The following SLF1 variants were observed in gnomAD, a reference collection of about 807,000 sequenced individuals.
SLF1 encodes SMC5/6 complex localization factor 1.
A neutral mutation model predicts 123.0 loss-of-function variants in SLF1; 105 were observed. The observed-to-expected ratio is 0.85, with a 90% confidence interval of 0.73 to 1.00. The LOEUF (loss-of-function observed/expected upper bound fraction) is 1.00, where lower values mean the gene tolerates loss of function less well. Among genes scored for constraint, SLF1 ranks in the 50% least tolerant of loss-of-function variants. SLF1 has a pLI of 0.00. For synonymous variants in SLF1, 434 were observed against 406.6 expected (o/e 1.07, Z -0.81); for missense variants, 1,239 against 1,223.0 (o/e 1.01, Z -0.20).
Position 94,628,852 on chromosome 5 carries a change from A to T in SLF1, c.42A>T (p.Gly14=). The change falls in exon 2 of 21, where the codon GGA becomes GGT. Residue 14 remains glycine, a synonymous_variant. Transcript: ENST00000265140. ...CAAAGCATATCATCCAGATGACAGG[A>T]TTTAAGATGGAAGAAAAAGAAGCGC... The part of the protein sequence containing the change: ...GTPKHIIQMT[G]FKMEEKEALV... 6.4e-7 allele frequency: 1 copy of T among 1,550,492 alleles called. No homozygotes were observed.
chr5:94,641,532 G>C (rs1746447742), intron 4 of SLF1, among the ~76,000 whole-genome samples: 1 of 152,188 alleles, frequency 6.6e-6, no homozygotes, highest in Non-Finnish European at 1.5e-5. Context: ...CATCACTTCA[G>C]CTTACAGCAG....
chr5:94,667,749 G>A (rs113779928), intron 12 of SLF1, among the ~76,000 whole-genome samples: 30 of 151,980 alleles, frequency 2.0e-4, no homozygotes, highest in African/African-American at 6.3e-4. Context: ...TTGTTTGTTT[G>A]TTTGTTTTGT....
rs1210033619 is a variant in SLF1, at chr5:94,662,289, C to G, written c.1156-9C>G. ...ATGTTGTTTTAATTATATGGTTGCTCTTTTGTAGGCTGTCAGATACAACTG... is the reference window on the plus strand; with the variant it reads ...ATGTTGTTTTAATTATATGGTTGCTGTTTTGTAGGCTGTCAGATACAACTG... On this transcript the variant is annotated splice_polypyrimidine_tract_variant and intron_variant, in intron 9 of 20. Coordinates refer to ENST00000265140, the MANE Select transcript of SLF1 (RefSeq NM_032290.4). 6.5e-7 allele frequency: 1 copy of G among 1,542,484 alleles called. No individual in the cohort carries two copies. Among genetic ancestry groups the G allele is most frequent in the Non-Finnish European group, 8.8e-7 (1 of 1,142,254 alleles).
chr5:94,637,808 T>C (rs1745985892), intron 4 of SLF1, among the ~76,000 whole-genome samples: 1 of 152,162 alleles, frequency 6.6e-6, no homozygotes, highest in African/African-American at 2.4e-5. Flanking sequence ...GCCCCCACTC[T>C]GCCGAAATGC....
intron 1 of SLF1, among the ~76,000 whole-genome samples, chr5:94,624,091 A>G (rs1356128101): frequency 1.3e-5 from 2 of 152,150 alleles, no homozygotes; most frequent in Non-Finnish European, 2.9e-5. Flanking sequence ...TGATTCTGTT[A>G]AAGTTTAGCT....
At chr5:94,691,727 T>G (rs539377470) in intron 19 of SLF1, 71 bp downstream of exon 19, 328 of 1,143,022 alleles carry the variant, frequency 2.9e-4, no homozygotes, top group Non-Finnish European at 3.5e-4. Context: ...TTATATCACA[T>G]TAAGAAAAAT....
At chr5:94,682,399 C>T (rs989030605) in intron 15 of SLF1, among the ~76,000 whole-genome samples, 1 of 152,044 alleles carries the variant, frequency 6.6e-6, no homozygotes, top group Non-Finnish European at 1.5e-5. Flanking sequence ...TATTCTTCTA[C>T]TCAGTTACTA....
intron 5 of SLF1, among the ~76,000 whole-genome samples, chr5:94,647,525 G>C (rs1204447880): frequency 6.6e-6 from 1 of 151,118 alleles, no homozygotes; most frequent in Non-Finnish European, 1.5e-5. Flanking sequence ...TAATAGAATA[G>C]GTAGCTGATT....
Position 94,663,900 on chromosome 5 carries a change from G to A in SLF1, c.1360G>A (p.Val454Ile), listed in dbSNP as rs529161729. 39 of 1,526,524 alleles carry A rather than the reference G, an allele frequency of 2.6e-5. No individual in the cohort carries two copies. Among genetic ancestry groups the A allele is most frequent in the African/African-American group, 2.5e-4 (18 of 71,722 alleles). The allele number at this position is 1,526,524 out of a possible 1,614,324, so 94.6% of individuals were successfully genotyped here. A position where few individuals can be genotyped will look rare whatever the true frequency, so the allele number is the denominator to read the frequency against. Residue 454 changes from valine to isoleucine, a missense_variant, in exon 11 of 21, where the codon GTT becomes ATT. Val to Ile is a conservative substitution (Grantham distance 29). Coordinates refer to ENST00000265140, the MANE Select transcript of SLF1 (RefSeq NM_032290.4). ...CGTTCTTCATGCCCTTCTAGAGAAC[G>A]TTCTACAGGTAAGAGCAGCCTTAAG... ...VCVLHALLEN[V>I]LQDNIDTFSG... is the part of the protein sequence containing the mutation.
In SLF1 at chr5:94,644,531, C is replaced by T. The variant is rs142272282; in HGVS notation, c.594+1096C>T. On this transcript the variant is annotated intron_variant, in intron 5 of 20. Transcript: ENST00000265140. ...ATGCTCACTATGCTATATGAAAACTCCTTCTCCCAGTGTCTTAAATAAGCT... is the reference window on the plus strand; with the variant it reads ...ATGCTCACTATGCTATATGAAAACTTCTTCTCCCAGTGTCTTAAATAAGCT... Among the ~76,000 whole-genome samples the T allele has an allele frequency of 3.0e-3, 454 of 152,258 alleles. 4 individuals are homozygous for T. Among genetic ancestry groups the T allele is most frequent in the African/African-American group, 0.01 (429 of 41,562 alleles).
Position 94,651,796 on chromosome 5 carries a change from A to T in SLF1, c.833A>T (p.Lys278Ile), listed in dbSNP as rs1258626723. 2 of 1,509,758 alleles carry T rather than the reference A, an allele frequency of 1.3e-6. No homozygotes were observed. Among genetic ancestry groups the T allele is most frequent in the South Asian group, 2.6e-5 (2 of 77,604 alleles). 93.5% of individuals were successfully genotyped at this position (1,509,758 alleles called of 1,614,324 possible). ...EKFSGSSKDLKFVKMRNTFGS... is the reference protein window; with the variant it reads ...EKFSGSSKDLIFVKMRNTFGS... ...TTCAGTGGTTCCAGTAAAGATTTGA[A>T]ATTTGTTAAAATGAGAAATACCTTT... The change falls in exon 7 of 21, where the codon AAA becomes ATA. Residue 278 changes from lysine to isoleucine, a missense_variant. Coordinates refer to ENST00000265140, the MANE Select transcript of SLF1 (RefSeq NM_032290.4).
chr5:94,688,461 C>T, intron 16 of SLF1, 45 bp from the exon 17 acceptor site: 1 of 1,561,926 alleles, frequency 6.4e-7, no homozygotes, highest in Non-Finnish European at 8.8e-7. Flanking sequence ...CTCTTTACTG[C>T]TGTTTTTGTA....
At chr5:94,665,735 A>T in intron 11 of SLF1, 126 bp from the exon 12 acceptor site, 1 of 843,614 alleles carries the variant, frequency 1.2e-6, no homozygotes, top group Non-Finnish European at 1.8e-6. Flanking sequence ...CCTGGGTGAC[A>T]GAGCCAGACT....
intron 14 of SLF1, 22 bp downstream of exon 14, chr5:94,671,030 A>T: frequency 6.9e-7 from 1 of 1,453,074 alleles, no homozygotes; most frequent in South Asian, 1.3e-5. Flanking sequence ...TAATTTATAG[A>T]TGAATAGTCT....
At chr5:94,688,230 G>T (rs1326745505) in intron 16 of SLF1, among the ~76,000 whole-genome samples, 1 of 151,976 alleles carries the variant, frequency 6.6e-6, no homozygotes, top group Non-Finnish European at 1.5e-5. Flanking sequence ...TTGGGCATAA[G>T]ACTAATCAAA....
intron 1 of SLF1, among the ~76,000 whole-genome samples, chr5:94,627,585 C>CAT (rs58847356): frequency 0.058 from 4,965 of 86,344 alleles, 227 homozygotes; most frequent in Admixed American, 0.089. Flanking sequence ...ATGAAATTAA[C>CAT]ATATATATAT....
intron 6 of SLF1, 62 bp from the exon 7 acceptor site, chr5:94,651,640 T>A: frequency 7.5e-7 from 1 of 1,328,970 alleles, no homozygotes. Flanking sequence ...TGACTTGTGT[T>A]GATTGTGTTA....
intron 12 of SLF1, 146 bp from the exon 13 acceptor site, chr5:94,670,005 A>G (rs1021539520): frequency 3.3e-5 from 23 of 704,724 alleles, no homozygotes; most frequent in Admixed American, 1.5e-4. Context: ...GAAGGAAGAA[A>G]TATATTCATA....
At chr5:94,684,407 A>C (rs1056305325) in intron 15 of SLF1, among the ~76,000 whole-genome samples, 72 of 152,290 alleles carry the variant, frequency 4.7e-4, no homozygotes, top group African/African-American at 1.7e-3. Context: ...ACTCATAAAA[A>C]TTGTATCTCG....
Sources: allele counts gnomAD v4.1 joint callset (sites outside exome capture counted in the v4.1 genomes callset), GRCh38; gene constraint gnomAD v4.1.1; transcripts MANE v1.5; gene names NCBI Gene and HGNC (gene_info 2026-07-23, HGNC 2026-07-21).